TCF12: variants seen among roughly 807,000 people sequenced by gnomAD.
TCF12 encodes the protein DNA-binding protein HTF4.
Under a neutral mutation model 86.0 loss-of-function variants are expected in TCF12, and 45 were observed. The observed-to-expected ratio is 0.52, with a 90% CI of 0.41 to 0.67. TCF12 has a LOEUF of 0.67. Among genes scored for constraint, TCF12 ranks in the 30% least tolerant of loss-of-function variants. The pLI, the probability that TCF12 is intolerant of heterozygous loss-of-function variation, is 0.00. For missense variants in TCF12, 881 were observed against 859.9 expected (o/e 1.02, Z -0.31); for synonymous variants, 330 against 299.6 (o/e 1.10, Z -1.05).
At position 57,075,790 on chromosome 15, in the gene TCF12, CTT is replaced by C. The variant is rs1491306568; in HGVS notation, c.222+11969_222+11970del. On this transcript the variant is annotated intron_variant, in intron 4 of 20. Transcript: ENST00000333725. ...TCTTTCTTTCTTTCTTTCTTTCTTT[CTT>C]TCTTTCTTTCTTTCTCTCTCTCTCT... Among the ~76,000 whole-genome samples, 206 of 58,216 alleles carry C rather than the reference CTT, an allele frequency of 3.5e-3. 1 individual carries two copies. Among genetic ancestry groups the C allele is most frequent in the African/African-American group, 0.015 (194 of 13,306 alleles). 38.2% of individuals were successfully genotyped at this position (58,216 alleles called of 152,430 possible).
At chr15:57,113,791 A>G (rs2447323) in intron 5 of TCF12, among the ~76,000 whole-genome samples, 72 of 148,372 alleles carry the variant, frequency 4.9e-4, no homozygotes, top group Non-Finnish European at 4.0e-4. Context: ...AAAAAAAAAA[A>G]AAAAAAAAAT....
At chr15:57,255,240 G>T (rs2060294755) in intron 16 of TCF12, among the ~76,000 whole-genome samples, 1 of 152,018 alleles carries the variant, frequency 6.6e-6, no homozygotes, top group Non-Finnish European at 1.5e-5. Context: ...TGAGAAAGTT[G>T]TTTTTTTACC....
chr15:57,038,175 C>A (rs191310254), intron 3 of TCF12, among the ~76,000 whole-genome samples: 1 of 152,010 alleles, frequency 6.6e-6, no homozygotes, highest in Non-Finnish European at 1.5e-5. Flanking sequence ...CGTGGCGGCT[C>A]ATGCCTAGCA....
intron 4 of TCF12, among the ~76,000 whole-genome samples, chr15:57,073,197 G>C (rs1488176548): frequency 6.6e-6 from 1 of 152,052 alleles, no homozygotes; most frequent in Non-Finnish European, 1.5e-5. Context: ...ATAACATCTT[G>C]ATCAGGACTG....
intron 3 of TCF12, among the ~76,000 whole-genome samples, chr15:57,048,311 T>TA (rs2067370683): frequency 6.6e-6 from 1 of 152,142 alleles, no homozygotes; most frequent in Non-Finnish European, 1.5e-5. Context: ...GCCCAGGCTG[T>TA]AGTGCAGTGG....
intron 5 of TCF12, among the ~76,000 whole-genome samples, chr15:57,153,674 A>G (rs535698954): frequency 6.6e-6 from 1 of 152,320 alleles, no homozygotes; most frequent in South Asian, 2.1e-4. Context: ...TCGCTAAGAA[A>G]TTAAAAAGAA....
intron 3 of TCF12, among the ~76,000 whole-genome samples, chr15:56,935,481 T>G (rs879271604): frequency 6.6e-6 from 1 of 151,932 alleles, no homozygotes; most frequent in Non-Finnish European, 1.5e-5. Context: ...TTTAAAAAAA[T>G]TTTTTGTTTC....
At chr15:57,165,746 C>T (rs1474578299) in intron 5 of TCF12, among the ~76,000 whole-genome samples, 3 of 151,908 alleles carry the variant, frequency 2.0e-5, no homozygotes, top group Non-Finnish European at 2.9e-5. Flanking sequence ...CCTTGTTAGC[C>T]AGGATTGTCT....
At chr15:57,060,134 G>A (rs1479942015) in intron 3 of TCF12, among the ~76,000 whole-genome samples, 2 of 152,064 alleles carry the variant, frequency 1.3e-5, no homozygotes, top group African/African-American at 2.4e-5. Context: ...CTTCTTTAAG[G>A]TATCAGCCTT....
chr15:57,215,118 A>G (rs1378630305), intron 8 of TCF12, among the ~76,000 whole-genome samples: 1 of 152,164 alleles, frequency 6.6e-6, no homozygotes, highest in African/African-American at 2.4e-5. Context: ...CAGAATAACA[A>G]CTTTCTGAAC....
chr15:57,107,466 C>T (rs1000123732), intron 5 of TCF12, among the ~76,000 whole-genome samples: 2 of 152,142 alleles, frequency 1.3e-5, no homozygotes, highest in African/African-American at 2.4e-5. Flanking sequence ...GGCAGTGAAA[C>T]TACTCTGTAT....
At chr15:57,007,629 T>G (rs1473883891) in intron 3 of TCF12, among the ~76,000 whole-genome samples, 6 of 101,814 alleles carry the variant, frequency 5.9e-5, no homozygotes, top group Admixed American at 1.2e-4. Flanking sequence ...ATCCCTAAGG[T>G]CTTTTCCAGC....
intron 8 of TCF12, among the ~76,000 whole-genome samples, chr15:57,212,613 A>G (rs1212087578): frequency 1.3e-5 from 2 of 152,178 alleles, no homozygotes; most frequent in African/African-American, 4.8e-5. Context: ...AATATTTATC[A>G]TAATGGAATT....
chr15:56,928,729 A>G (rs989345587), intron 3 of TCF12, among the ~76,000 whole-genome samples: 3 of 152,224 alleles, frequency 2.0e-5, no homozygotes, highest in African/African-American at 7.2e-5. Context: ...ATCCTTTTCC[A>G]TGCTTAGGCA....
intron 9 of TCF12, among the ~76,000 whole-genome samples, chr15:57,231,848 G>A (rs1407466119): frequency 6.6e-6 from 1 of 152,098 alleles, no homozygotes; most frequent in African/African-American, 2.4e-5. Context: ...CTATAATATG[G>A]TAATTATCAA....
Position 57,136,958 on chromosome 15 carries a change from G to GTTTTTTTTTTTTTTTTTTTTTTTTTTT in TCF12, c.326-29433_326-29432insTTTTTTTTTTTTTTTTTTTTTTTTTTT, listed in dbSNP as rs869113042. On this transcript the variant is annotated intron_variant, in intron 5 of 20. Transcript: ENST00000333725. ...TAGACAATAGCCACTGCTTCTGGCA[G>GTTTTTTTTTTTTTTTTTTTTTTTTTTT]TTTTTTTTTTTGTTTTTTTTTTTTT... Among the ~76,000 whole-genome samples, 19 of 83,044 alleles carry GTTTTTTTTTTTTTTTTTTTTTTTTTTT rather than the reference G, an allele frequency of 2.3e-4. 9 individuals are homozygous for GTTTTTTTTTTTTTTTTTTTTTTTTTTT. The highest frequency in any genetic ancestry group is 5.3e-4 in the African/African-American group (11 of 20,800). The allele number at this position is 83,044 out of a possible 152,430, so 54.5% of individuals were successfully genotyped here.
chr15:56,919,901 G>C lies in TCF12; in HGVS notation c.-13G>C, dbSNP rs765611114. 11 of 1,614,024 alleles carry C rather than the reference G, an allele frequency of 6.8e-6. No individual in the cohort carries two copies. The highest frequency in any genetic ancestry group is 5.0e-5 in the Admixed American group (3 of 60,010). ...GTTTCCTCTGCCCTAGGACCTGCTA[G>C]AAGTGGCCGAAGATGAATCCCCAGC... On this transcript the variant is annotated 5_prime_UTR_variant, in exon 2 of 21. It removes the in-frame stop codon of an upstream open reading frame in the 5' UTR. Coordinates refer to ENST00000333725, the MANE Select transcript of TCF12 (RefSeq NM_207037.2).
rs1185987025 is a variant in TCF12 at position 56,950,358 on chromosome 15, T to C, written c.148+29260T>C. 1.3e-5 allele frequency among the ~76,000 whole-genome samples: 2 copies of C among 152,170 alleles called. 1 individual carries two copies. Among genetic ancestry groups the C allele is most frequent in the Non-Finnish European group, 2.9e-5 (2 of 68,018 alleles). Reference sequence around the variant, plus strand: ...ATCCTGCCTTAGCCTCCTGAGTAGCTGGGATTGCAGGTGCACGCCACCATG... The same window carrying C: ...ATCCTGCCTTAGCCTCCTGAGTAGCCGGGATTGCAGGTGCACGCCACCATG... On this transcript the variant is annotated intron_variant, in intron 3 of 20. Coordinates refer to ENST00000333725, the MANE Select transcript of TCF12 (RefSeq NM_207037.2).
At chr15:57,077,761 G>A (rs1319090488) in intron 4 of TCF12, among the ~76,000 whole-genome samples, 1 of 145,922 alleles carries the variant, frequency 6.9e-6, no homozygotes, top group Non-Finnish European at 1.5e-5. Context: ...AAAAAAAAAC[G>A]TTTGCATGTA....
Sources: gnomAD v4.1 joint callset for allele counts (sites outside exome capture counted in the v4.1 genomes callset) on GRCh38, gnomAD v4.1.1 for gene constraint, MANE v1.5 for transcripts, NCBI Gene and HGNC (gene_info 2026-07-23, HGNC 2026-07-21) for gene names.